RPS6KC1: variants seen among roughly 807,000 people sequenced by gnomAD.
RPS6KC1 encodes inactive ribosomal protein S6 kinase delta-1.
In RPS6KC1, 54 loss-of-function variants were observed where a neutral mutation model predicts 103.8. That is an observed-to-expected ratio of 0.52 (90% confidence interval 0.42 to 0.65). The LOEUF is 0.65. RPS6KC1 is among the 30% of genes least tolerant of loss of function. RPS6KC1 has a pLI of 0.00. For missense variants in RPS6KC1, 1,151 were observed against 1,253.8 expected, an observed-to-expected ratio of 0.92 and a Z score of 1.24; for synonymous variants, 439 against 438.7, an observed-to-expected ratio of 1.00 and a Z score of -0.01.
intron 1 of RPS6KC1, among the ~76,000 whole-genome samples, chr1:213,070,094 G>A (rs1174699729): frequency 6.6e-6 from 1 of 152,160 alleles, no homozygotes; most frequent in Non-Finnish European, 1.5e-5. Flanking sequence ...ATCATAGGTA[G>A]CCAGTGATTA....
the RPS6KC1 span, among the ~76,000 whole-genome samples, chr1:213,299,201 G>A: frequency 2.0e-5 from 3 of 152,216 alleles, no homozygotes; most frequent in Non-Finnish European, 4.4e-5. Flanking sequence ...TGACCTAGCT[G>A]CAGAAATCAC....
At position 213,267,708 on chromosome 1, in the gene RPS6KC1, A is replaced by T. The variant is rs538582843; in HGVS notation, c.3091-4816A>T. Among the ~76,000 whole-genome samples the T allele has an allele frequency of 2.1e-4, 32 of 152,156 alleles. No individual in the cohort carries two copies. In the South Asian group the frequency reaches 5.8e-3, roughly 28 times the overall value. On this transcript the variant is annotated intron_variant, in intron 14 of 14. Transcript: ENST00000366960. ...GAATCAACAAAGAGATTCTGTAATA[A>T]GGAGACAGAAAGTATATTTTTAAAA...
the RPS6KC1 span, among the ~76,000 whole-genome samples, chr1:213,825,250 A>G: frequency 2.6e-5 from 4 of 152,208 alleles, no homozygotes; most frequent in South Asian, 8.3e-4. Context: ...CCTCACAGCT[A>G]GACAGGACTC....
chr1:213,709,267 G>A, the RPS6KC1 span, among the ~76,000 whole-genome samples: 2 of 152,202 alleles, frequency 1.3e-5, no homozygotes, highest in East Asian at 3.9e-4. Context: ...CTTCTTCCTG[G>A]TTTAGTCTTG....
chr1:213,584,155 C>T, the RPS6KC1 span, among the ~76,000 whole-genome samples: 1 of 152,228 alleles, frequency 6.6e-6, no homozygotes, highest in Non-Finnish European at 1.5e-5. Flanking sequence ...GTCTTGCCTG[C>T]ACCATGTAAG....
chr1:213,325,077 C>T, the RPS6KC1 span, among the ~76,000 whole-genome samples: 2 of 152,156 alleles, frequency 1.3e-5, no homozygotes, highest in Non-Finnish European at 2.9e-5. Flanking sequence ...TTCCATCATC[C>T]CTCACTGTAG....
At chr1:213,076,413 A>G (rs976031137) in intron 2 of RPS6KC1, among the ~76,000 whole-genome samples, 2 of 152,122 alleles carry the variant, frequency 1.3e-5, no homozygotes, top group African/African-American at 2.4e-5. Context: ...TTGACCTGTT[A>G]TTTGCTCATT....
chr1:213,581,872 A>C, the RPS6KC1 span, among the ~76,000 whole-genome samples: 1 of 151,600 alleles, frequency 6.6e-6, no homozygotes, highest in Non-Finnish European at 1.5e-5. Context: ...TGGTTTTTCC[A>C]CCTTTCTCCT....
At chr1:213,662,418 C>T in the RPS6KC1 span, among the ~76,000 whole-genome samples, 1 of 146,684 alleles carries the variant, frequency 6.8e-6, no homozygotes, top group Non-Finnish European at 1.5e-5. Context: ...TGTGCCATCA[C>T]ACCTGGCTAA....
chr1:213,664,928 G>A, the RPS6KC1 span, among the ~76,000 whole-genome samples: 3 of 152,122 alleles, frequency 2.0e-5, no homozygotes, highest in African/African-American at 7.2e-5. Flanking sequence ...AGGATGAAAT[G>A]TTTTTGTTAA....
chr1:213,523,321 A>G, the RPS6KC1 span, among the ~76,000 whole-genome samples: 1 of 152,250 alleles, frequency 6.6e-6, no homozygotes. Flanking sequence ...TCACTGTAAC[A>G]GCTATAATAA....
chr1:213,079,070 AT>A (rs1037548015), intron 3 of RPS6KC1, among the ~76,000 whole-genome samples: 1 of 151,934 alleles, frequency 6.6e-6, no homozygotes, highest in Non-Finnish European at 1.5e-5. Flanking sequence ...CAGTATATAT[AT>A]TTTTTCTTTA....
the RPS6KC1 span, among the ~76,000 whole-genome samples, chr1:213,337,142 C>T: frequency 1.4e-4 from 21 of 152,290 alleles, no homozygotes; most frequent in East Asian, 3.9e-3. Flanking sequence ...TCTCTTTAAT[C>T]AGACCATAGG....
chr1:213,068,440 C>T (rs1257726532), intron 1 of RPS6KC1, among the ~76,000 whole-genome samples: 4 of 135,340 alleles, frequency 3.0e-5, no homozygotes, highest in African/African-American at 5.5e-5. Context: ...GCCAAGATCG[C>T]GCCACTGCAC....
the RPS6KC1 span, among the ~76,000 whole-genome samples, chr1:213,808,142 G>A: frequency 7.2e-5 from 11 of 152,294 alleles, no homozygotes; most frequent in South Asian, 2.3e-3. Flanking sequence ...TGGAAGTTTT[G>A]TCTCAGAGGA....
chr1:213,710,456 T>G, the RPS6KC1 span, among the ~76,000 whole-genome samples: 2 of 152,212 alleles, frequency 1.3e-5, no homozygotes, highest in Admixed American at 1.3e-4. Context: ...TGACAGGTCT[T>G]GACTCTTTAT....
At chr1:213,738,197 A>T in the RPS6KC1 span, among the ~76,000 whole-genome samples, 821 of 152,320 alleles carry the variant, frequency 5.4e-3, 8 homozygotes, top group African/African-American at 0.019. Flanking sequence ...AGGAAACTTT[A>T]TAGTCAGGGT....
At chr1:213,718,818 G>A in the RPS6KC1 span, among the ~76,000 whole-genome samples, 2 of 152,202 alleles carry the variant, frequency 1.3e-5, no homozygotes, top group African/African-American at 4.8e-5. Context: ...GGTTAACAAC[G>A]CAGATTTGGA....
At chr1:213,314,030 C>G in the RPS6KC1 span, among the ~76,000 whole-genome samples, 3 of 152,108 alleles carry the variant, frequency 2.0e-5, no homozygotes, top group Admixed American at 6.5e-5. Context: ...GAGGTGTTGG[C>G]AGGGCCCTGC....
Sources: gnomAD v4.1 joint callset for allele counts (sites outside exome capture counted in the v4.1 genomes callset) on GRCh38, gnomAD v4.1.1 for gene constraint, MANE v1.5 for transcripts, NCBI Gene and HGNC (gene_info 2026-07-23, HGNC 2026-07-21) for gene names.